The following FILIP1 variants were observed in gnomAD, a reference collection of about 807,000 sequenced individuals.
FILIP1 encodes the protein filamin-A-interacting protein 1.
FILIP1 carries 61 observed loss-of-function variants against 102.1 expected under a neutral mutation model. That is an observed-to-expected ratio of 0.60 (90% CI 0.49 to 0.74). The LOEUF (loss-of-function observed/expected upper bound fraction) is 0.74. Ranked by LOEUF, FILIP1 falls within the 30% of genes least tolerant of loss-of-function variation. The pLI is 0.00. For missense variants in FILIP1, 1,314 were observed against 1,441.2 expected, an observed-to-expected ratio of 0.91 and a Z score of 1.43; for synonymous variants, 491 against 526.9, an observed-to-expected ratio of 0.93 and a Z score of 0.93.
At chr6:75,423,729 C>T (rs1280145431) in intron 1 of FILIP1, among the ~76,000 whole-genome samples, 1 of 152,088 alleles carries the variant, frequency 6.6e-6, no homozygotes, top group Non-Finnish European at 1.5e-5. Flanking sequence ...GCCTCATCCG[C>T]CATACTCACC....
intron 1 of FILIP1, among the ~76,000 whole-genome samples, chr6:75,484,263 C>T (rs1312265046): frequency 6.6e-6 from 1 of 152,116 alleles, no homozygotes; most frequent in African/African-American, 2.4e-5. Context: ...GTACCCACTA[C>T]CAAGGGTTGA....
chr6:75,329,972 G>A (rs1167722371), intron 4 of FILIP1, among the ~76,000 whole-genome samples: 1 of 151,956 alleles, frequency 6.6e-6, no homozygotes, highest in African/African-American at 2.4e-5. Context: ...TCCTCAATAT[G>A]GTGATTATTA....
intron 1 of FILIP1, among the ~76,000 whole-genome samples, chr6:75,460,842 G>A (rs1779001304): frequency 6.6e-6 from 1 of 152,034 alleles, no homozygotes; most frequent in African/African-American, 2.4e-5. Context: ...TGTTAGCTTT[G>A]TTTTTTTCTG....
At chr6:75,463,171 G>A (rs147032883) in intron 1 of FILIP1, among the ~76,000 whole-genome samples, 3 of 152,302 alleles carry the variant, frequency 2.0e-5, no homozygotes, top group East Asian at 1.9e-4. Context: ...CGTATGTGCG[G>A]ATCTTAGAAT....
At chr6:75,337,767 G>A (rs1028923260) in intron 4 of FILIP1, among the ~76,000 whole-genome samples, 6 of 152,068 alleles carry the variant, frequency 3.9e-5, no homozygotes, top group African/African-American at 1.4e-4. Context: ...TTCTTCCTTG[G>A]GAATAACATA....
intron 4 of FILIP1, among the ~76,000 whole-genome samples, chr6:75,351,094 T>G (rs1164382203): frequency 6.6e-6 from 1 of 152,100 alleles, no homozygotes; most frequent in African/African-American, 2.4e-5. Flanking sequence ...GAGACAGAGT[T>G]TCGCTCTTGT....
chr6:75,477,390 G>T (rs1033544710), intron 1 of FILIP1, among the ~76,000 whole-genome samples: 31 of 151,948 alleles, frequency 2.0e-4, no homozygotes, highest in Middle Eastern at 3.4e-3. Context: ...CAATAATAAG[G>T]CATTATATAT....
At chr6:75,406,619 ATG>A (rs1776854996) in intron 2 of FILIP1, among the ~76,000 whole-genome samples, 1 of 149,480 alleles carries the variant, frequency 6.7e-6, no homozygotes, top group African/African-American at 2.5e-5. Context: ...TATTATGATT[ATG>A]TGTCTTTGCA....
At chr6:75,423,738 C>A (rs1392142401) in intron 1 of FILIP1, among the ~76,000 whole-genome samples, 1 of 152,128 alleles carries the variant, frequency 6.6e-6, no homozygotes, top group Non-Finnish European at 1.5e-5. Flanking sequence ...GCCATACTCA[C>A]CTGACCTCTT....
intron 6 of FILIP1, chr6:75,296,988 A>G (rs1442035080): frequency 6.6e-6 from 1 of 152,110 alleles, no homozygotes; most frequent in Non-Finnish European, 1.5e-5. Context: ...GTAGGCATGG[A>G]ACTACATGCA....
In FILIP1 at chr6:75,316,741, G is replaced by A. The variant is rs79834842; in HGVS notation, c.630-1539C>T. Among the ~76,000 whole-genome samples, 291 of 152,196 alleles carry A rather than the reference G, an allele frequency of 1.9e-3. 2 individuals are homozygous for A. The highest frequency in any genetic ancestry group is 6.4e-3 in the African/African-American group (267 of 41,532). On this transcript the variant is annotated intron_variant, in intron 4 of 5. Coordinates refer to ENST00000237172, the MANE Select transcript of FILIP1 (RefSeq NM_015687.5). Reference sequence around the variant, plus strand: ...TTATGACTTTATTCCTAAAATAGGAGGAAAATATGATCTTCAAGTCCTACT... The same window carrying A: ...TTATGACTTTATTCCTAAAATAGGAAGAAAATATGATCTTCAAGTCCTACT...
chr6:75,295,310 G>A (rs1024099279), exon 7 of FILIP1: 4 of 152,124 alleles, frequency 2.6e-5, no homozygotes, highest in Non-Finnish European at 5.9e-5. Context: ...TTAAAATTAA[G>A]CTTTTAAGTC....
chr6:75,300,060 C>G (rs1366126657), intron 6 of FILIP1, among the ~76,000 whole-genome samples: 3 of 152,114 alleles, frequency 2.0e-5, no homozygotes. Context: ...CCAATACCTC[C>G]CTCCCAAGTA....
At chr6:75,463,825 A>T (rs956813537) in intron 1 of FILIP1, among the ~76,000 whole-genome samples, 1 of 152,188 alleles carries the variant, frequency 6.6e-6, no homozygotes, top group Non-Finnish European at 1.5e-5. Flanking sequence ...TTCCTTATCC[A>T]GAGATGTTTG....
At chr6:75,442,438 C>G (rs1209330594) in intron 1 of FILIP1, among the ~76,000 whole-genome samples, 1 of 152,244 alleles carries the variant, frequency 6.6e-6, no homozygotes, top group Non-Finnish European at 1.5e-5. Context: ...GCCAAGATCA[C>G]GCCACTGCAC....
At chr6:75,454,721 C>T (rs754045180) in intron 1 of FILIP1, among the ~76,000 whole-genome samples, 49 of 152,288 alleles carry the variant, frequency 3.2e-4, no homozygotes, top group Admixed American at 5.9e-4. Flanking sequence ...AAATCTGGAA[C>T]ATATTGACAA....
At chr6:75,297,390 G>C (rs1196021087) in intron 6 of FILIP1, among the ~76,000 whole-genome samples, 1 of 152,064 alleles carries the variant, frequency 6.6e-6, no homozygotes, top group Non-Finnish European at 1.5e-5. Context: ...ACCAATAGGT[G>C]GAGCTATTTC....
intron 1 of FILIP1, among the ~76,000 whole-genome samples, chr6:75,479,307 A>G (rs1277762786): frequency 6.6e-6 from 1 of 152,172 alleles, no homozygotes. Flanking sequence ...TCTTCTGATT[A>G]TAAGGATTTT....
intron 1 of FILIP1, chr6:75,458,684 T>C (rs1198362421): frequency 6.6e-6 from 1 of 152,206 alleles, no homozygotes; most frequent in Non-Finnish European, 1.5e-5. Context: ...ATCTTTTCCC[T>C]ACCCCAAATT....
Sources: gnomAD v4.1 joint callset for allele counts (sites outside exome capture counted in the v4.1 genomes callset) on GRCh38, gnomAD v4.1.1 for gene constraint, MANE v1.5 for transcripts, NCBI Gene and HGNC (gene_info 2026-07-23, HGNC 2026-07-21) for gene names.